Variants in FOXN3 observed in about 807,000 individuals in gnomAD.
The protein encoded by FOXN3 is forkhead box protein N3.
FOXN3 carries 7 observed loss-of-function variants against 38.4 expected under a neutral mutation model. The observed-to-expected ratio is 0.18, with a 90% CI of 0.10 to 0.34. The LOEUF (loss-of-function observed/expected upper bound fraction) is 0.34. Ranked by LOEUF, FOXN3 falls within the 10% of genes least tolerant of loss-of-function variation. FOXN3 has a pLI of 1.00. For synonymous variants in FOXN3, 230 were observed against 242.2 expected (o/e 0.95, Z 0.47); for missense variants, 456 against 613.4 (o/e 0.74, Z 2.71).
intron 2 of FOXN3, among the ~76,000 whole-genome samples, chr14:89,375,459 G>A (rs1890452264): frequency 6.6e-6 from 1 of 152,108 alleles, no homozygotes; most frequent in African/African-American, 2.4e-5. Context: ...CCTAGTAGAT[G>A]TACATCCATA....
rs1890655281 is a variant in FOXN3 at position 89,381,765 on chromosome 14, T to C, written c.543+30169A>G. On this transcript the variant is annotated intron_variant, in intron 2 of 5. Transcript: ENST00000557258. ...GTCCCAGCTACTCAGGAGGCTGAGA[T>C]GGGAGGATCTCTGGAGTCCAGGAGT... 2.0e-5 allele frequency among the ~76,000 whole-genome samples: 3 copies of C among 150,232 alleles called. No homozygotes were observed. The Admixed American group carries it at 2.0e-4, about 10-fold the overall frequency.
intron 1 of FOXN3, among the ~76,000 whole-genome samples, chr14:89,569,222 C>T (rs1312396314): frequency 1.3e-5 from 2 of 151,586 alleles, no homozygotes; most frequent in Non-Finnish European, 2.9e-5. Context: ...AAGAAAGGTG[C>T]CATTTCCATT....
intron 1 of FOXN3, chr14:89,494,032 T>C (rs956374542): frequency 8.5e-5 from 13 of 152,196 alleles, no homozygotes; most frequent in African/African-American, 3.1e-4. Flanking sequence ...GATTTTGCCA[T>C]CGTGCAGAAG....
At chr14:89,405,734 C>T (rs1314772473) in intron 2 of FOXN3, among the ~76,000 whole-genome samples, 3 of 152,192 alleles carry the variant, frequency 2.0e-5, no homozygotes, top group Non-Finnish European at 2.9e-5. Flanking sequence ...TTGCCTTTCT[C>T]TATCCTGTGC....
At chr14:89,302,879 A>G (rs1421450149) in intron 3 of FOXN3, among the ~76,000 whole-genome samples, 1 of 152,200 alleles carries the variant, frequency 6.6e-6, no homozygotes, top group African/African-American at 2.4e-5. Context: ...AAGTTTTAGT[A>G]CTGTGCTACA....
At chr14:89,408,815 C>A (rs923359955) in intron 2 of FOXN3, among the ~76,000 whole-genome samples, 3 of 152,104 alleles carry the variant, frequency 2.0e-5, no homozygotes, top group Non-Finnish European at 4.4e-5. Context: ...TTCTCACCAA[C>A]CTTCAGGTGC....
chr14:89,474,178 C>A (rs1488886949), intron 1 of FOXN3, among the ~76,000 whole-genome samples: 2 of 152,202 alleles, frequency 1.3e-5, no homozygotes, highest in Admixed American at 1.3e-4. Flanking sequence ...CAGAACCAAT[C>A]TAGCCATTTT....
chr14:89,471,557 C>A (rs983290118), intron 1 of FOXN3, among the ~76,000 whole-genome samples: 1 of 152,156 alleles, frequency 6.6e-6, no homozygotes, highest in South Asian at 2.1e-4. Flanking sequence ...GCACTCCAGC[C>A]TGGGAGACAG....
chr14:89,599,978 G>A (rs1896126279), intron 1 of FOXN3, among the ~76,000 whole-genome samples: 1 of 152,158 alleles, frequency 6.6e-6, no homozygotes, highest in Non-Finnish European at 1.5e-5. Flanking sequence ...CTCAAAAGCA[G>A]AGTTCACCTC....
intron 1 of FOXN3, among the ~76,000 whole-genome samples, chr14:89,562,377 C>T (rs536502384): frequency 6.6e-5 from 10 of 152,136 alleles, no homozygotes; most frequent in South Asian, 2.1e-4. Context: ...TCTCATGTCT[C>T]GCATCCCAAG....
chr14:89,403,233 A>G (rs1431750660), intron 2 of FOXN3, among the ~76,000 whole-genome samples: 1 of 151,694 alleles, frequency 6.6e-6, no homozygotes, highest in East Asian at 1.9e-4. Flanking sequence ...ACATGGTCTC[A>G]CTCTGTCGCC....
chr14:89,609,925 T>C (rs1896356689), intron 1 of FOXN3, among the ~76,000 whole-genome samples: 1 of 152,028 alleles, frequency 6.6e-6, no homozygotes, highest in Non-Finnish European at 1.5e-5. Context: ...GTCCAAGTTT[T>C]CTAGCCTGGG....
intron 2 of FOXN3, among the ~76,000 whole-genome samples, chr14:89,400,308 T>C (rs1891213113): frequency 6.6e-6 from 1 of 152,202 alleles, no homozygotes; most frequent in African/African-American, 2.4e-5. Context: ...TTCACTCTTT[T>C]TGATTGAGAG....
At chr14:89,553,041 C>A (rs1310252092) in intron 1 of FOXN3, among the ~76,000 whole-genome samples, 1 of 151,732 alleles carries the variant, frequency 6.6e-6, no homozygotes, top group Non-Finnish European at 1.5e-5. Flanking sequence ...GAGTTCAAGG[C>A]AAGCCTGTGC....
chr14:89,439,822 A>T (rs1430039054), intron 1 of FOXN3, among the ~76,000 whole-genome samples: 1 of 128,698 alleles, frequency 7.8e-6, no homozygotes, highest in African/African-American at 3.1e-5. Context: ...CGCCCGGCTA[A>T]TTTTTTGTAT....
intron 4 of FOXN3, among the ~76,000 whole-genome samples, chr14:89,189,014 G>A (rs1363465796): frequency 1.3e-5 from 2 of 152,134 alleles, no homozygotes; most frequent in African/African-American, 4.8e-5. Context: ...ATGGCTGGAG[G>A]TCTGAGTTTG....
At chr14:89,552,406 T>G (rs1895023692) in intron 1 of FOXN3, among the ~76,000 whole-genome samples, 1 of 152,222 alleles carries the variant, frequency 6.6e-6, no homozygotes, top group Non-Finnish European at 1.5e-5. Flanking sequence ...CTGAACCCAT[T>G]CAAACAACCA....
At chr14:89,583,493 A>G (rs1030201031) in intron 1 of FOXN3, among the ~76,000 whole-genome samples, 2 of 152,178 alleles carry the variant, frequency 1.3e-5, no homozygotes, top group African/African-American at 4.8e-5. Context: ...CAATGCTGGC[A>G]TTTTGATCTT....
intron 4 of FOXN3, among the ~76,000 whole-genome samples, chr14:89,195,197 C>T (rs140679995): frequency 2.8e-3 from 421 of 152,312 alleles, no homozygotes; most frequent in African/African-American, 9.7e-3. Flanking sequence ...GCACACTTCT[C>T]CCAGTCCCCT....
Sources: gnomAD v4.1 joint callset for allele counts (sites outside exome capture counted in the v4.1 genomes callset) on GRCh38, gnomAD v4.1.1 for gene constraint, MANE v1.5 for transcripts, NCBI Gene and HGNC (gene_info 2026-07-23, HGNC 2026-07-21) for gene names.